Variants in MRTFB observed in about 807,000 individuals in gnomAD.
The protein encoded by MRTFB is myocardin-related transcription factor B.
Under a neutral mutation model 104.2 loss-of-function variants are expected in MRTFB, and 29 were observed. That is an observed-to-expected ratio of 0.28 (90% CI 0.21 to 0.38). MRTFB has a LOEUF of 0.38. MRTFB is among the 10% of genes least tolerant of loss of function. MRTFB has a pLI of 1.00. For synonymous variants in MRTFB, 535 were observed against 519.5 expected, an observed-to-expected ratio of 1.03 and a Z score of -0.41; for missense variants, 1,270 against 1,341.6, an observed-to-expected ratio of 0.95 and a Z score of 0.83.
At chr16:14,073,628 G>A (rs1437144190) in intron 1 of MRTFB, among the ~76,000 whole-genome samples, 1 of 152,188 alleles carries the variant, frequency 6.6e-6, no homozygotes, top group African/African-American at 2.4e-5. Flanking sequence ...GTGTTTAATG[G>A]AAATGTTGAC....
At chr16:14,131,634 A>C (rs935166312) in intron 2 of MRTFB, among the ~76,000 whole-genome samples, 2 of 152,178 alleles carry the variant, frequency 1.3e-5, no homozygotes, top group Non-Finnish European at 2.9e-5. Context: ...AAGTCACCCT[A>C]TATAAAAATG....
At chr16:14,025,240 G>T in the MRTFB span, among the ~76,000 whole-genome samples, 1 of 152,298 alleles carries the variant, frequency 6.6e-6, no homozygotes, top group Non-Finnish European at 1.5e-5. Flanking sequence ...AAGTGCCGTG[G>T]TGCAATCATG....
Position 14,219,021 on chromosome 16 carries a change from C to T in MRTFB, c.693+23C>T, listed in dbSNP as rs768666887. 7.1e-6 allele frequency: 11 copies of T among 1,553,040 alleles called. No homozygotes were observed. The East Asian group carries it at 2.1e-4, about 29-fold the overall frequency. On this transcript the variant is annotated intron_variant, in intron 8 of 16. Coordinates refer to ENST00000571589, the MANE Select transcript of MRTFB (RefSeq NM_001308142.2). The stretch of plus-strand genomic sequence containing the variant: ...CAGGTATTATCTTTCTGGTTTTGAC[C>T]CCTAAAGAAAGAAAATGCCTTGTTT...
chr16:14,143,870 A>G (rs1203342454), intron 3 of MRTFB: 3 of 152,174 alleles, frequency 2.0e-5, no homozygotes, highest in Admixed American at 1.3e-4. Flanking sequence ...AAATGTTATG[A>G]TTACCTAGTG....
chr16:14,017,685 G>A, the MRTFB span, among the ~76,000 whole-genome samples: 7 of 9,576 alleles, frequency 7.3e-4, no homozygotes, highest in Non-Finnish European at 2.7e-3. Flanking sequence ...GTGTGTGTGT[G>A]TGTATATATA....
At chr16:14,161,693 C>G (rs532735014) in intron 3 of MRTFB, among the ~76,000 whole-genome samples, 1 of 152,194 alleles carries the variant, frequency 6.6e-6, no homozygotes, top group Non-Finnish European at 1.5e-5. Flanking sequence ...ATATATTGAA[C>G]AGAAGACTCT....
chr16:14,136,554 C>T (rs1482668489), intron 2 of MRTFB, among the ~76,000 whole-genome samples: 1 of 151,984 alleles, frequency 6.6e-6, no homozygotes, highest in East Asian at 1.9e-4. Flanking sequence ...TTTTTTAAAC[C>T]TCCCCAAATT....
At position 14,261,297 on chromosome 16, in the gene MRTFB, G is replaced by A. The variant is rs1268026348; in HGVS notation, c.3153G>A (p.Leu1051=). 4.3e-6 allele frequency: 7 copies of A among 1,614,000 alleles called. No individual in the cohort carries two copies. Among genetic ancestry groups the A allele is most frequent in the South Asian group, 2.2e-5 (2 of 91,070 alleles). The change falls in exon 17 of 17, where the codon CTG becomes CTA. Residue 1051 remains leucine, a synonymous_variant. Transcript: ENST00000571589. ...AAGTPCLSLD[L]SDSNLDNMEW... ...GTACTCCCTGTCTGTCTCTCGACCT[G>A]TCAGACTCAAACTTGGACAACATGG...
chr16:14,057,559 T>C, the MRTFB span, among the ~76,000 whole-genome samples: 4 of 152,176 alleles, frequency 2.6e-5, no homozygotes, highest in African/African-American at 9.7e-5. Flanking sequence ...ATCTTTTCAA[T>C]ACAAAAAGCC....
intron 3 of MRTFB, among the ~76,000 whole-genome samples, chr16:14,205,293 A>C (rs1404090813): frequency 2.0e-5 from 3 of 152,182 alleles, no homozygotes; most frequent in African/African-American, 7.2e-5. Context: ...CCTGGGACCC[A>C]GGCTAGTTAG....
the MRTFB span, among the ~76,000 whole-genome samples, chr16:14,063,715 T>C: frequency 6.6e-6 from 1 of 152,214 alleles, no homozygotes; most frequent in Non-Finnish European, 1.5e-5. Flanking sequence ...CCGCACCCAG[T>C]GCTAGGTCAA....
intron 8 of MRTFB, among the ~76,000 whole-genome samples, chr16:14,230,476 A>G (rs1292574826): frequency 6.6e-6 from 1 of 152,214 alleles, no homozygotes; most frequent in Non-Finnish European, 1.5e-5. Context: ...GGCAAAGGAC[A>G]TGAACAGACA....
chr16:14,118,991 G>A (rs144450206), intron 2 of MRTFB, among the ~76,000 whole-genome samples: 8 of 152,224 alleles, frequency 5.3e-5, no homozygotes, highest in African/African-American at 1.9e-4. Flanking sequence ...TTCTGTCAAT[G>A]AGAGGTTTTG....
At chr16:14,136,583 G>C (rs1286499738) in intron 2 of MRTFB, among the ~76,000 whole-genome samples, 2 of 152,106 alleles carry the variant, frequency 1.3e-5, no homozygotes, top group Non-Finnish European at 2.9e-5. Flanking sequence ...ATTGTGAGGA[G>C]AGTTGAGAAG....
At chr16:14,032,158 G>A in the MRTFB span, among the ~76,000 whole-genome samples, 1 of 152,178 alleles carries the variant, frequency 6.6e-6, no homozygotes, top group South Asian at 2.1e-4. Context: ...CGTCAGGATG[G>A]GGGCTGGCTG....
At chr16:14,107,860 G>A (rs79066638) in intron 2 of MRTFB, among the ~76,000 whole-genome samples, 3,711 of 152,290 alleles carry the variant, frequency 0.024, 165 homozygotes, top group African/African-American at 0.085. Context: ...GGTGTTGTTG[G>A]GATCTGTAGA....
chr16:14,004,533 C>T, the MRTFB span, among the ~76,000 whole-genome samples: 1 of 152,188 alleles, frequency 6.6e-6, no homozygotes, highest in African/African-American at 2.4e-5. Flanking sequence ...GGCTCTCCCC[C>T]ACTGGCCAGG....
Position 14,081,993 on chromosome 16 carries a change from G to T in MRTFB, c.-64+2639G>T, listed in dbSNP as rs573281737. 1.5e-4 allele frequency among the ~76,000 whole-genome samples: 23 copies of T among 152,316 alleles called. No individual in the cohort carries two copies. The South Asian group carries it at 2.1e-3, about 14-fold the overall frequency. On this transcript the variant is annotated intron_variant, in intron 2 of 16. Coordinates refer to ENST00000571589, the MANE Select transcript of MRTFB (RefSeq NM_001308142.2). ...GATATTTTCTCCCATTCTTTAGGAA[G>T]TTTCTTCACTGTGGATTGCTTTCTT...
chr16:14,207,535 T>C (rs774805504), intron 3 of MRTFB, among the ~76,000 whole-genome samples: 63 of 152,206 alleles, frequency 4.1e-4, no homozygotes, highest in Non-Finnish European at 7.2e-4. Flanking sequence ...CTAAGATCCT[T>C]GGACTCTCTG....
Sources: allele counts gnomAD v4.1 joint callset (sites outside exome capture counted in the v4.1 genomes callset), GRCh38; gene constraint gnomAD v4.1.1; transcripts MANE v1.5; gene names NCBI Gene and HGNC (gene_info 2026-07-23, HGNC 2026-07-21).